The following GDPD5 variants were observed in gnomAD, a reference collection of about 807,000 sequenced individuals.
GDPD5 encodes glycerophosphodiester phosphodiesterase domain containing 5.
A neutral mutation model predicts 75.1 loss-of-function variants in GDPD5; 48 were observed. The ratio of observed to expected loss-of-function variants is 0.64; its 90% confidence interval spans 0.51 to 0.81. GDPD5 has a LOEUF of 0.81. Ranked by LOEUF, GDPD5 falls within the 40% of genes least tolerant of loss-of-function variation. The pLI is 0.00. For missense variants in GDPD5, 706 were observed against 822.6 expected, an observed-to-expected ratio of 0.86 and a Z score of 1.73; for synonymous variants, 336 against 339.0, an observed-to-expected ratio of 0.99 and a Z score of 0.10.
chr11:75,442,665 G>T, intron 11 of GDPD5, 84 bp from the exon 12 acceptor site: 1 of 1,254,912 alleles, frequency 8.0e-7, no homozygotes, highest in Non-Finnish European at 1.1e-6. Flanking sequence ...CAAGCGTGGA[G>T]ACCCCTGGGC....
Position 75,435,418 on chromosome 11 carries a change from G to T in GDPD5, c.*89C>A. 2 of 1,287,508 alleles carry T rather than the reference G, an allele frequency of 1.6e-6. No homozygotes were observed. The highest frequency in any genetic ancestry group is 1.6e-5 in the South Asian group (1 of 63,674). 79.8% of individuals were successfully genotyped at this position (1,287,508 alleles called of 1,614,324 possible). A position where few individuals can be genotyped will look rare whatever the true frequency, so the allele number is the denominator to read the frequency against. On this transcript the variant is annotated 3_prime_UTR_variant, in exon 17 of 17. Transcript: ENST00000336898. ...AAGGAGGCTGTGGAGCCCGCTCCCAGAGCACTCCGAGTTCAGACACACTTC... is the reference window on the plus strand; with the variant it reads ...AAGGAGGCTGTGGAGCCCGCTCCCATAGCACTCCGAGTTCAGACACACTTC...
At chr11:75,505,336 C>A (rs1236524891) in intron 1 of GDPD5, among the ~76,000 whole-genome samples, 1 of 152,014 alleles carries the variant, frequency 6.6e-6, no homozygotes, top group Non-Finnish European at 1.5e-5. Flanking sequence ...TGCCTCCGGC[C>A]CCCAGCCCCA....
intron 1 of GDPD5, among the ~76,000 whole-genome samples, chr11:75,517,128 G>T (rs1032368873): frequency 1.3e-5 from 2 of 152,252 alleles, no homozygotes; most frequent in South Asian, 2.1e-4. Flanking sequence ...GAAGTTGTTG[G>T]GGGAGGTGCT....
intron 1 of GDPD5, among the ~76,000 whole-genome samples, chr11:75,506,067 AG>A (rs549398009): frequency 5.3e-5 from 8 of 152,314 alleles, no homozygotes; most frequent in Admixed American, 3.3e-4. Flanking sequence ...CATGGGGATA[AG>A]GACCCTTCCC....
intron 1 of GDPD5, among the ~76,000 whole-genome samples, chr11:75,501,971 C>T (rs1350715595): frequency 6.6e-6 from 1 of 152,170 alleles, no homozygotes; most frequent in Non-Finnish European, 1.5e-5. Context: ...CCCATCAGTC[C>T]TGACCTCTCC....
chr11:75,522,843 T>C (rs916586128), intron 1 of GDPD5, among the ~76,000 whole-genome samples: 1 of 152,002 alleles, frequency 6.6e-6, no homozygotes, highest in East Asian at 1.9e-4. Context: ...CCCGAGGGAA[T>C]GGACACCAGC....
chr11:75,508,739 TG>T (rs1255717186), intron 1 of GDPD5, among the ~76,000 whole-genome samples: 6 of 152,166 alleles, frequency 3.9e-5, no homozygotes, highest in African/African-American at 7.2e-5. Flanking sequence ...GTGATGCCTC[TG>T]GGTGCCAGCC....
chr11:75,488,926 G>A (rs1950060942), intron 2 of GDPD5, among the ~76,000 whole-genome samples: 1 of 152,170 alleles, frequency 6.6e-6, no homozygotes, highest in Non-Finnish European at 1.5e-5. Context: ...TGGTGATGGG[G>A]ACACAAGATA....
At chr11:75,442,623 CT>C in intron 11 of GDPD5, 42 bp from the exon 12 acceptor site, 1 of 1,584,090 alleles carries the variant, frequency 6.3e-7, no homozygotes, top group East Asian at 2.2e-5. Context: ...ATCATCAGCC[CT>C]TTGGGGGCCC....
At chr11:75,512,065 T>C (rs759847711) in intron 1 of GDPD5, among the ~76,000 whole-genome samples, 10 of 152,074 alleles carry the variant, frequency 6.6e-5, no homozygotes, top group African/African-American at 2.2e-4. Context: ...AATGTCTTGA[T>C]TGATCACAAG....
At chr11:75,447,225 A>G (rs889886863) in intron 9 of GDPD5, among the ~76,000 whole-genome samples, 2 of 152,240 alleles carry the variant, frequency 1.3e-5, no homozygotes, top group African/African-American at 4.8e-5. Context: ...AGACACGCCA[A>G]CCAGATGCGT....
chr11:75,458,414 CT>C (rs1289186602), intron 4 of GDPD5, among the ~76,000 whole-genome samples: 1 of 152,212 alleles, frequency 6.6e-6, no homozygotes, highest in African/African-American at 2.4e-5. Context: ...TGGCTCACGC[CT>C]GTAATCCCAG....
intron 6 of GDPD5, 105 bp from the exon 7 acceptor site, chr11:75,450,088 C>T (rs1424028867): frequency 1.1e-5 from 10 of 889,036 alleles, no homozygotes; most frequent in African/African-American, 1.6e-5. Context: ...CAGGAGAGGC[C>T]GATGGAGCAG....
intron 1 of GDPD5, among the ~76,000 whole-genome samples, chr11:75,500,385 GTTCAA>G (rs1483720373): frequency 1.3e-5 from 2 of 152,148 alleles, no homozygotes; most frequent in African/African-American, 4.8e-5. Flanking sequence ...CTGCCACCAA[GTTCAA>G]CAATGGCTTC....
chr11:75,483,436 G>A (rs1465641016), intron 2 of GDPD5, among the ~76,000 whole-genome samples: 2 of 152,092 alleles, frequency 1.3e-5, no homozygotes, highest in African/African-American at 2.4e-5. Context: ...ATCCCGGGAC[G>A]CACTGGCCTG....
At chr11:75,445,618 G>T (rs1278607269) in intron 9 of GDPD5, among the ~76,000 whole-genome samples, 1 of 152,220 alleles carries the variant, frequency 6.6e-6, no homozygotes, top group Non-Finnish European at 1.5e-5. Flanking sequence ...CAGTGAAGAG[G>T]TGAGGTGGGA....
At chr11:75,442,994 G>C in intron 11 of GDPD5, 142 bp downstream of exon 11, 1 of 897,624 alleles carries the variant, frequency 1.1e-6, no homozygotes, top group East Asian at 2.6e-5. Context: ...GAGCCTAGGA[G>C]GCCACTAAGC....
At position 75,435,649 on chromosome 11, in the gene GDPD5, C is replaced by A. The variant is rs373412770; in HGVS notation, c.1676G>T (p.Ser559Ile). The A allele has an allele frequency of 6.2e-6, 10 of 1,607,336 alleles. No individual in the cohort carries two copies. The highest frequency in any genetic ancestry group is 8.5e-6 in the Non-Finnish European group (10 of 1,176,214). The change falls in exon 17 of 17, where the codon AGC becomes ATC. Residue 559 changes from serine to isoleucine, a missense_variant. Physicochemically the swap from Ser to Ile is moderately radical, Grantham distance 142. Coordinates refer to ENST00000336898, the MANE Select transcript of GDPD5 (RefSeq NM_030792.8). Reference sequence around the variant, plus strand: ...CACATCGGAGACCTCTACACCATCGCTGATCTCTGCTGGGCCAGAGGGAGA... The same window carrying A: ...CACATCGGAGACCTCTACACCATCGATGATCTCTGCTGGGCCAGAGGGAGA... ...MKEKLIFSEI[S>I]DGVEVSDVLS...
intron 2 of GDPD5, among the ~76,000 whole-genome samples, chr11:75,486,652 C>T (rs895817492): frequency 6.6e-6 from 1 of 152,150 alleles, no homozygotes; most frequent in Admixed American, 6.5e-5. Context: ...CCACCTTAGC[C>T]CTGCAGCCCC....
Sources: allele counts gnomAD v4.1 joint callset (sites outside exome capture counted in the v4.1 genomes callset), GRCh38; gene constraint gnomAD v4.1.1; transcripts MANE v1.5; gene names NCBI Gene and HGNC (gene_info 2026-07-23, HGNC 2026-07-21).